Variants in TULP4 observed in about 807,000 individuals in gnomAD.
TULP4 encodes tubby-related protein 4.
TULP4 carries 16 observed loss-of-function variants against 129.0 expected under a neutral mutation model. That is an observed-to-expected ratio of 0.12 (90% CI 0.08 to 0.19). The LOEUF (loss-of-function observed/expected upper bound fraction) is 0.19. Ranked by LOEUF, TULP4 falls within the 10% of genes least tolerant of loss-of-function variation. The pLI is 1.00. For synonymous variants in TULP4, 998 were observed against 854.0 expected, an observed-to-expected ratio of 1.17 and a Z score of -2.94; for missense variants, 1,842 against 2,059.1, an observed-to-expected ratio of 0.89 and a Z score of 2.04.
intron 8 of TULP4, among the ~76,000 whole-genome samples, chr6:158,485,750 A>T (rs571795486): frequency 4.6e-5 from 7 of 152,024 alleles, no homozygotes; most frequent in African/African-American, 1.7e-4. Context: ...ACCAAAGAAG[A>T]CTCCACTCAA....
At chr6:158,247,213 T>C (rs1778045958) in intron 1 of TULP4, among the ~76,000 whole-genome samples, 1 of 152,226 alleles carries the variant, frequency 6.6e-6, no homozygotes, top group East Asian at 1.9e-4. Flanking sequence ...CAGTTTGTAA[T>C]GGGCATATTA....
In TULP4 at chr6:158,510,366, G is replaced by A. The variant is rs1471518154; in HGVS notation, c.*3672G>A. On this transcript the variant is annotated 3_prime_UTR_variant, in exon 14 of 14. Coordinates refer to ENST00000367097, the MANE Select transcript of TULP4 (RefSeq NM_020245.5). ...CAGGGTCAAGCCTGCTCTGCCACAG[G>A]GTTGGATGGTGACCTTGGGCAAGTC... The A allele has an allele frequency of 6.6e-6, 1 of 152,172 alleles. No homozygotes were observed. The highest frequency in any genetic ancestry group is 1.5e-5 in the Non-Finnish European group (1 of 68,030). 9.4% of individuals were successfully genotyped at this position (152,172 alleles called of 1,614,324 possible). A position where few individuals can be genotyped will look rare whatever the true frequency, so the allele number is the denominator to read the frequency against.
upstream of TULP4, among the ~76,000 whole-genome samples, chr6:158,309,909 A>AGG (rs1375091031): frequency 7.6e-5 from 8 of 105,366 alleles, no homozygotes; most frequent in African/African-American, 1.5e-4. Context: ...CCGTGGGGAG[A>AGG]GGGAGAGGGG....
At chr6:158,329,076 G>A (rs1779816364) in intron 1 of TULP4, among the ~76,000 whole-genome samples, 5 of 152,180 alleles carry the variant, frequency 3.3e-5, no homozygotes. Context: ...CCACAACCTT[G>A]ACTCCAAACT....
At chr6:158,267,603 T>C (rs1343850153) in intron 1 of TULP4, among the ~76,000 whole-genome samples, 1 of 152,214 alleles carries the variant, frequency 6.6e-6, no homozygotes, top group Non-Finnish European at 1.5e-5. Flanking sequence ...TAGTAAATCT[T>C]CCAAATAATT....
chr6:158,502,710 A>G lies in TULP4; in HGVS notation c.3047A>G (p.Lys1016Arg), dbSNP rs753588753. 3.8e-6 allele frequency: 6 copies of G among 1,561,542 alleles called. No homozygotes were observed. The highest frequency in any genetic ancestry group is 2.4e-5 in the South Asian group (2 of 84,796). The change falls in exon 13 of 14, where the codon AAG becomes AGG. Residue 1016 changes from lysine (K) to arginine (R), a missense_variant. By Grantham distance (26) the Lys-to-Arg change is conservative. Transcript: ENST00000367097. The stretch of plus-strand genomic sequence containing the variant: ...CCCCTGCAGCCCCTGGCCAAGTCCA[A>G]GGGCGGGCCCGGGGGGGTGGTGACA... ...RAPLQPLAKSKGGPGGVVTQL... is the reference protein window; with the variant it reads ...RAPLQPLAKSRGGPGGVVTQL...
chr6:158,506,298 C>T (rs1441692613), intron 13 of TULP4, among the ~76,000 whole-genome samples: 1 of 122,652 alleles, frequency 8.2e-6, no homozygotes, highest in East Asian at 2.5e-4. Context: ...GTGGCCCAAT[C>T]TCAGCTCACT....
At chr6:158,250,580 T>A (rs915431560) in intron 1 of TULP4, among the ~76,000 whole-genome samples, 2 of 152,216 alleles carry the variant, frequency 1.3e-5, no homozygotes, top group African/African-American at 4.8e-5. Context: ...GGTTCAGAAA[T>A]GGTAGGAGTA....
chr6:158,299,339 A>T (rs1427969878), intron 1 of TULP4, among the ~76,000 whole-genome samples: 2 of 151,968 alleles, frequency 1.3e-5, no homozygotes, highest in African/African-American at 4.8e-5. Flanking sequence ...CATATGAGTC[A>T]TTTTTTTTAA....
chr6:158,445,517 T>G (rs566288286), intron 3 of TULP4, among the ~76,000 whole-genome samples: 1 of 152,322 alleles, frequency 6.6e-6, no homozygotes, highest in Admixed American at 6.5e-5. Context: ...AGTGCAGACC[T>G]GCCCTTGAGA....
chr6:158,387,431 T>A (rs1777474461), intron 1 of TULP4, among the ~76,000 whole-genome samples: 1 of 152,112 alleles, frequency 6.6e-6, no homozygotes, highest in African/African-American at 2.4e-5. Flanking sequence ...GGAAGAAAAA[T>A]TGATTATAAT....
At chr6:158,362,495 G>A (rs558388229) in intron 1 of TULP4, among the ~76,000 whole-genome samples, 273 of 152,198 alleles carry the variant, frequency 1.8e-3, no homozygotes, top group Middle Eastern at 6.8e-3. Flanking sequence ...CACTACAGGT[G>A]TGTGCTCCCA....
intron 1 of TULP4, among the ~76,000 whole-genome samples, chr6:158,298,533 G>T (rs1264643381): frequency 2.6e-5 from 4 of 152,026 alleles, no homozygotes; most frequent in Non-Finnish European, 5.9e-5. Context: ...TCCCAGTTTT[G>T]ACACAGGATT....
chr6:158,407,214 A>G (rs341169), intron 1 of TULP4, among the ~76,000 whole-genome samples: 69,148 of 152,178 alleles, frequency 0.45, 16,609 homozygotes, highest in African/African-American at 0.61. Flanking sequence ...AAAAATGGGC[A>G]AAGAATCTGA....
At chr6:158,405,846 A>G (rs1336726853) in intron 1 of TULP4, among the ~76,000 whole-genome samples, 8 of 152,182 alleles carry the variant, frequency 5.3e-5, no homozygotes, top group African/African-American at 1.4e-4. Flanking sequence ...GCGTCTCCCA[A>G]CACACACCAC....
At chr6:158,347,088 G>A (rs9457359) in intron 1 of TULP4, among the ~76,000 whole-genome samples, 2,743 of 152,238 alleles carry the variant, frequency 0.018, 37 homozygotes, top group Middle Eastern at 0.034. Context: ...ACAGAAATCC[G>A]TACTTGCCTG....
chr6:158,448,208 T>C (rs111848750), intron 3 of TULP4, among the ~76,000 whole-genome samples: 2,687 of 152,256 alleles, frequency 0.018, 88 homozygotes, highest in African/African-American at 0.061. Context: ...CCCAGCATGC[T>C]CCTGAGTATG....
At position 158,391,158 on chromosome 6, in the gene TULP4, C is replaced by G. The variant is rs568347557; in HGVS notation, c.253-21907C>G. Among the ~76,000 whole-genome samples, 4 of 152,224 alleles carry G rather than the reference C, an allele frequency of 2.6e-5. No homozygotes were observed. The East Asian group carries it at 5.8e-4, about 22-fold the overall frequency. On this transcript the variant is annotated intron_variant, in intron 1 of 13. Coordinates refer to ENST00000367097, the MANE Select transcript of TULP4 (RefSeq NM_020245.5). ...TAGTCGAATGACACAACTTTAATGT[C>G]ATAAGGATTTCTTTCTTATACAGTG...
rs1778151483 is a variant in TULP4, at chr6:158,413,962, T to TG, written c.381+771dup. On this transcript the variant is annotated intron_variant, in intron 2 of 13. Transcript: ENST00000367097. This position sits in a 1 kb window ranked among gnomAD's most constrained non-coding sequence, Gnocchi z 4.9. ...TTTAACTCTCAGAATGATTTCCCTG[T>TG]GGCTGCCTTTCTATACACTTCTAAG... Among the ~76,000 whole-genome samples, 1 of 152,246 alleles carries TG rather than the reference T, an allele frequency of 6.6e-6. No individual in the cohort carries two copies. Among genetic ancestry groups the TG allele is most frequent in the Non-Finnish European group, 1.5e-5 (1 of 68,034 alleles).
Sources: allele counts gnomAD v4.1 joint callset (sites outside exome capture counted in the v4.1 genomes callset), GRCh38; gene constraint gnomAD v4.1.1; non-coding constraint Gnocchi (gnomAD v3.1); transcripts MANE v1.5; gene names NCBI Gene and HGNC (gene_info 2026-07-23, HGNC 2026-07-21).